The following UNC13C variants were observed in gnomAD, a reference collection of about 807,000 sequenced individuals.
The protein encoded by UNC13C is protein unc-13 homolog C.
UNC13C carries 174 observed loss-of-function variants against 245.4 expected under a neutral mutation model. The observed-to-expected ratio is 0.71, with a 90% CI of 0.63 to 0.80. The LOEUF is 0.80. Among genes scored for constraint, UNC13C ranks in the 30% least tolerant of loss-of-function variants. The probability of loss-of-function intolerance (pLI) is 0.00; values close to 1 mark genes in which losing one functional copy is unlikely to be tolerated. For missense variants in UNC13C, 2,829 were observed against 2,602.9 expected (o/e 1.09, Z -1.89); for synonymous variants, 992 against 895.1 (o/e 1.11, Z -1.93).
the UNC13C span, among the ~76,000 whole-genome samples, chr15:53,888,287 C>T: frequency 3.9e-5 from 6 of 152,156 alleles, no homozygotes; most frequent in Non-Finnish European, 8.8e-5. Context: ...TTTTGATTTG[C>T]ATTTCTCTAA....
intron 4 of UNC13C, among the ~76,000 whole-genome samples, chr15:54,157,816 C>G (rs10775157): frequency 0.35 from 52,725 of 152,022 alleles, 10,885 homozygotes; most frequent in Non-Finnish European, 0.47. Flanking sequence ...AACATCTGAT[C>G]TTTGACAAAC....
intron 10 of UNC13C, among the ~76,000 whole-genome samples, chr15:54,281,349 T>G (rs1024345209): frequency 1.3e-5 from 2 of 152,166 alleles, no homozygotes; most frequent in African/African-American, 4.8e-5. Flanking sequence ...TGTTTAAGAT[T>G]TATTATCAAG....
chr15:54,445,895 A>C (rs58067365), intron 19 of UNC13C, among the ~76,000 whole-genome samples: 8 of 152,152 alleles, frequency 5.3e-5, no homozygotes, highest in Admixed American at 2.6e-4. Context: ...GGTATTGCCT[A>C]GGTTTTCTTC....
intron 30 of UNC13C, among the ~76,000 whole-genome samples, chr15:54,598,910 T>C (rs1300901647): frequency 6.6e-6 from 1 of 152,156 alleles, no homozygotes; most frequent in African/African-American, 2.4e-5. Flanking sequence ...AGTATTTGTT[T>C]TGTTTATTTC....
rs543967885 is a variant in UNC13C, at chr15:54,148,094, T to C, written c.3071+4410T>C. ...AACCTTATCAGGAAAGAGGCAGTGG[T>C]TGCAGAAGTGAAATAATGCAGAGAC... On this transcript the variant is annotated intron_variant, in intron 4 of 32. Coordinates refer to ENST00000260323, the MANE Select transcript of UNC13C (RefSeq NM_001080534.3). Among the ~76,000 whole-genome samples the C allele has an allele frequency of 2.6e-5, 4 of 152,260 alleles. No homozygotes were observed. The East Asian group carries it at 7.7e-4, about 29-fold the overall frequency.
At position 54,462,773 on chromosome 15, in the gene UNC13C, A is replaced by G. The variant is rs527361706; in HGVS notation, c.4934-31835A>G. Among the ~76,000 whole-genome samples the G allele has an allele frequency of 3.9e-5, 6 of 152,264 alleles. No homozygotes were observed. In the East Asian group the frequency reaches 9.7e-4, roughly 25 times the overall value. ...CCGCGCAGCCCGAGGAGCCTCCCTG[A>G]CGGGCGCCACCCCCTGCTCCACAGC... is the stretch of plus-strand genomic sequence containing the variant. On this transcript the variant is annotated intron_variant, in intron 19 of 32. Transcript: ENST00000260323.
intron 2 of UNC13C, among the ~76,000 whole-genome samples, chr15:54,062,921 T>C (rs916673660): frequency 6.6e-6 from 1 of 152,184 alleles, no homozygotes; most frequent in Non-Finnish European, 1.5e-5. Context: ...TCCCCTTTCA[T>C]TGAGAGACAC....
chr15:54,056,583 A>G (rs1897536941), intron 2 of UNC13C, among the ~76,000 whole-genome samples: 1 of 152,204 alleles, frequency 6.6e-6, no homozygotes, highest in Non-Finnish European at 1.5e-5. Context: ...AGGCAGGCCA[A>G]CATTCAAATT....
the UNC13C span, among the ~76,000 whole-genome samples, chr15:53,841,417 T>C: frequency 6.6e-6 from 1 of 152,138 alleles, no homozygotes; most frequent in Non-Finnish European, 1.5e-5. Context: ...CTCTAAAATA[T>C]ATATCGTGTG....
the UNC13C span, among the ~76,000 whole-genome samples, chr15:53,884,564 G>C: frequency 5.7e-3 from 867 of 152,158 alleles, 7 homozygotes; most frequent in Admixed American, 9.2e-3. Context: ...CAAACTTCTG[G>C]CCTGAAGCAA....
chr15:53,882,433 A>G, the UNC13C span, among the ~76,000 whole-genome samples: 1 of 152,126 alleles, frequency 6.6e-6, no homozygotes, highest in Non-Finnish European at 1.5e-5. Context: ...TAACCCAGTC[A>G]TTATTTCTAT....
intron 19 of UNC13C, among the ~76,000 whole-genome samples, chr15:54,428,451 A>G (rs774622623): frequency 3.3e-5 from 5 of 150,592 alleles, no homozygotes; most frequent in Non-Finnish European, 7.4e-5. Flanking sequence ...TGCTTGGACT[A>G]CTCTTTTCCT....
chr15:54,296,376 TTTTTTTA>T (rs1340080701), intron 11 of UNC13C, among the ~76,000 whole-genome samples: 7 of 102,458 alleles, frequency 6.8e-5, no homozygotes, highest in South Asian at 3.0e-4. Context: ...AATTTTTTTT[TTTTTTTA>T]TTTTTTTTTA....
At chr15:54,158,409 AG>A (rs1399792614) in intron 4 of UNC13C, among the ~76,000 whole-genome samples, 2 of 150,808 alleles carry the variant, frequency 1.3e-5, no homozygotes, top group Non-Finnish European at 3.0e-5. Context: ...GCTCATTGCA[AG>A]CTCCACCTCC....
rs531533259 is a variant in UNC13C, at chr15:54,057,916, G to T, written c.2983+42030G>T. Among the ~76,000 whole-genome samples, 11 of 152,180 alleles carry T rather than the reference G, an allele frequency of 7.2e-5. No homozygotes were observed. In the South Asian group the frequency reaches 2.1e-3, roughly 29 times the overall value. ...TAAAGATGTTCTTTGAAACCAACAA[G>T]AACAAAGACACAACATACCAGAATC... On this transcript the variant is annotated intron_variant, in intron 2 of 32. Transcript: ENST00000260323.
chr15:53,964,529 T>G, the UNC13C span, among the ~76,000 whole-genome samples: 4 of 151,980 alleles, frequency 2.6e-5, no homozygotes, highest in Admixed American at 2.0e-4. Context: ...AATATACCTC[T>G]ATAAGGTGAA....
chr15:54,221,711 A>T (rs956229365), intron 4 of UNC13C, among the ~76,000 whole-genome samples: 1 of 152,058 alleles, frequency 6.6e-6, no homozygotes, highest in African/African-American at 2.4e-5. Flanking sequence ...TGTTTTGGCA[A>T]CACAGAAATA....
At chr15:53,937,947 C>T in the UNC13C span, among the ~76,000 whole-genome samples, 1 of 152,264 alleles carries the variant, frequency 6.6e-6, no homozygotes, top group Admixed American at 6.5e-5. Flanking sequence ...GTACACAGAC[C>T]AGTGATACTG....
At chr15:54,023,873 T>A (rs1216734999) in intron 2 of UNC13C, among the ~76,000 whole-genome samples, 1 of 152,214 alleles carries the variant, frequency 6.6e-6, no homozygotes, top group Non-Finnish European at 1.5e-5. Flanking sequence ...CAAGAAATGA[T>A]GTTATGTCAA....
Sources: gnomAD v4.1 joint callset for allele counts (sites outside exome capture counted in the v4.1 genomes callset) on GRCh38, gnomAD v4.1.1 for gene constraint, MANE v1.5 for transcripts, NCBI Gene and HGNC (gene_info 2026-07-23, HGNC 2026-07-21) for gene names.